The following LMNTD1 variants were observed in gnomAD, a reference collection of about 807,000 sequenced individuals.
LMNTD1 encodes lamin tail domain-containing protein 1.
In LMNTD1, 35 loss-of-function variants were observed where a neutral mutation model predicts 50.9. That is an observed-to-expected ratio of 0.69 (90% confidence interval 0.53 to 0.91). The LOEUF (loss-of-function observed/expected upper bound fraction) is 0.91, where lower values mean the gene tolerates loss of function less well. Ranked by LOEUF, LMNTD1 falls within the 40% of genes least tolerant of loss-of-function variation. The pLI, the probability that LMNTD1 is intolerant of heterozygous loss-of-function variation, is 0.00. For missense variants in LMNTD1, 470 were observed against 475.5 expected, an observed-to-expected ratio of 0.99 and a Z score of 0.11; for synonymous variants, 153 against 161.9, an observed-to-expected ratio of 0.94 and a Z score of 0.42.
At chr12:25,513,874 A>G (rs187620619) in intron 8 of LMNTD1, among the ~76,000 whole-genome samples, 144 of 152,344 alleles carry the variant, frequency 9.5e-4, no homozygotes, top group African/African-American at 3.4e-3. Flanking sequence ...CAAGAATTTT[A>G]TGGAAAAAAA....
intron 1 of LMNTD1, among the ~76,000 whole-genome samples, chr12:25,577,047 C>T (rs1042312635): frequency 6.6e-6 from 1 of 152,144 alleles, no homozygotes; most frequent in African/African-American, 2.4e-5. Flanking sequence ...TTCCATTGGT[C>T]TATATCTCTG....
At chr12:25,621,790 T>C (rs1350880209) in intron 1 of LMNTD1, among the ~76,000 whole-genome samples, 1 of 152,122 alleles carries the variant, frequency 6.6e-6, no homozygotes, top group African/African-American at 2.4e-5. Context: ...AGGCAGGAGA[T>C]AGACTAATAA....
At chr12:25,603,090 G>C (rs192023224) in intron 1 of LMNTD1, among the ~76,000 whole-genome samples, 1 of 152,010 alleles carries the variant, frequency 6.6e-6, no homozygotes, top group Admixed American at 6.6e-5. Flanking sequence ...CCCCTCTTAA[G>C]TCTTGCCAGG....
chr12:25,488,813 G>A (rs1255917825), intron 9 of LMNTD1, among the ~76,000 whole-genome samples: 1 of 152,226 alleles, frequency 6.6e-6, no homozygotes, highest in African/African-American at 2.4e-5. Context: ...GGTTTTCGGT[G>A]TGGATGTCCT....
At chr12:25,553,661 T>A (rs981075674), upstream of LMNTD1, among the ~76,000 whole-genome samples, 15 of 152,146 alleles carry the variant, frequency 9.9e-5, no homozygotes, top group Non-Finnish European at 1.5e-4. Flanking sequence ...GTAGAAATCA[T>A]AAAATCAAAG....
intron 1 of LMNTD1, among the ~76,000 whole-genome samples, chr12:25,564,867 T>A (rs548538703): frequency 6.6e-6 from 1 of 152,306 alleles, no homozygotes; most frequent in African/African-American, 2.4e-5. Flanking sequence ...TATCTCTCTC[T>A]TTATCTCTAA....
At chr12:25,643,560 T>A (rs1375364014) in intron 1 of LMNTD1, among the ~76,000 whole-genome samples, 1 of 152,224 alleles carries the variant, frequency 6.6e-6, no homozygotes, top group African/African-American at 2.4e-5. Flanking sequence ...TCCTTTCAAC[T>A]CATTAGCCAG....
intron 1 of LMNTD1, among the ~76,000 whole-genome samples, chr12:25,641,511 C>T (rs1189658749): frequency 1.3e-5 from 2 of 152,144 alleles, no homozygotes; most frequent in Non-Finnish European, 2.9e-5. Context: ...AATAACATAA[C>T]ATCTTTCCTA....
intron 1 of LMNTD1, among the ~76,000 whole-genome samples, chr12:25,623,524 A>G (rs1946520503): frequency 7.8e-6 from 1 of 128,542 alleles, no homozygotes; most frequent in South Asian, 2.7e-4. Context: ...ATTGCACTCC[A>G]GCCTGGGTGA....
chr12:25,536,883 G>A lies in LMNTD1; in HGVS notation c.491+9491C>T, dbSNP rs372103773. Among the ~76,000 whole-genome samples, 5 of 152,382 alleles carry A rather than the reference G, an allele frequency of 3.3e-5. No individual in the cohort carries two copies. In the East Asian group the frequency reaches 7.7e-4, roughly 24 times the overall value. ...CAGTGGGTGCACGCACCGTGCGCGA[G>A]CCGAAGCAGGGCGAGGCATTGCCTC... is the stretch of plus-strand genomic sequence containing the variant. On this transcript the variant is annotated intron_variant, in intron 4 of 9. Transcript: ENST00000458174.
rs1943436584 is a variant in LMNTD1 at position 25,546,440 on chromosome 12, T to C, written c.425A>G (p.Asn142Ser). 1.2e-6 allele frequency: 2 copies of C among 1,600,292 alleles called. No homozygotes were observed. Among genetic ancestry groups the C allele is most frequent in the Non-Finnish European group, 1.7e-6 (2 of 1,172,122 alleles). ...GDSKKLTAHS[N>S]YTQKTLKYFS... is the part of the protein sequence containing the mutation. The stretch of plus-strand genomic sequence containing the variant: ...GTATTTTAAAGTTTTCTGAGTGTAG[T>C]TTGAGTGTGCTGTAAGTTTCTTTGA... The change falls in exon 4 of 10, where the codon AAC becomes AGC. Residue 142 changes from asparagine to serine, a missense_variant. Transcript: ENST00000458174.
intron 9 of LMNTD1, among the ~76,000 whole-genome samples, chr12:25,501,041 G>A (rs113875934): frequency 6.6e-6 from 1 of 152,172 alleles, no homozygotes; most frequent in Admixed American, 6.5e-5. Flanking sequence ...CCGGGCTGGA[G>A]TGCAGTGGTG....
intron 1 of LMNTD1, among the ~76,000 whole-genome samples, chr12:25,622,395 A>T (rs1946489111): frequency 6.7e-6 from 1 of 149,366 alleles, no homozygotes; most frequent in African/African-American, 2.5e-5. Flanking sequence ...TTCATGCATG[A>T]CCCACAGGCA....
intron 9 of LMNTD1, chr12:25,503,077 A>T (rs973056852): frequency 4.6e-5 from 7 of 152,252 alleles, no homozygotes; most frequent in African/African-American, 1.7e-4. Flanking sequence ...AAAACATATA[A>T]ATAGACCAGT....
intron 1 of LMNTD1, among the ~76,000 whole-genome samples, chr12:25,570,838 A>G (rs1188295141): frequency 3.3e-5 from 5 of 152,260 alleles, no homozygotes; most frequent in Admixed American, 3.3e-4. Context: ...GCTCTGCAGT[A>G]CATTAATACT....
chr12:25,576,144 T>A (rs1005347327), intron 1 of LMNTD1, among the ~76,000 whole-genome samples: 1 of 152,204 alleles, frequency 6.6e-6, no homozygotes, highest in African/African-American at 2.4e-5. Context: ...AGTGCCGCAA[T>A]AAACATATGT....
chr12:25,609,187 C>T (rs1946188237), intron 1 of LMNTD1, among the ~76,000 whole-genome samples: 1 of 152,122 alleles, frequency 6.6e-6, no homozygotes, highest in Non-Finnish European at 1.5e-5. Flanking sequence ...CATTTAAGTG[C>T]TTCTCTATAC....
At chr12:25,636,661 T>C (rs996300831) in intron 1 of LMNTD1, among the ~76,000 whole-genome samples, 1 of 152,060 alleles carries the variant, frequency 6.6e-6, no homozygotes, top group Non-Finnish European at 1.5e-5. Context: ...GAAGACATTA[T>C]ACGAAAAAGA....
intron 3 of LMNTD1, 69 bp from the exon 4 acceptor site, chr12:25,546,623 A>G: frequency 1.1e-6 from 1 of 940,816 alleles, no homozygotes; most frequent in Non-Finnish European, 1.5e-6. Context: ...AAGGACCTAA[A>G]GCCATTATCT....
Sources: allele counts gnomAD v4.1 joint callset (sites outside exome capture counted in the v4.1 genomes callset), GRCh38; gene constraint gnomAD v4.1.1; transcripts MANE v1.5; gene names NCBI Gene and HGNC (gene_info 2026-07-23, HGNC 2026-07-21).